The following EFCAB7 variants were observed in gnomAD, a reference collection of about 807,000 sequenced individuals.
EFCAB7 encodes the protein EF-hand calcium binding domain 7, also known as EF-hand calcium-binding domain-containing protein 7.
Under a neutral mutation model 77.1 loss-of-function variants are expected in EFCAB7, and 66 were observed. That is an observed-to-expected ratio of 0.86 (90% CI 0.70 to 1.05). The LOEUF is 1.05. Ranked by LOEUF, EFCAB7 falls within the 50% of genes least tolerant of loss-of-function variation. The probability of loss-of-function intolerance (pLI) is 0.00; values close to 1 mark genes in which losing one functional copy is unlikely to be tolerated. For missense variants in EFCAB7, 638 were observed against 730.5 expected (o/e 0.87, Z 1.46); for synonymous variants, 225 against 243.3 (o/e 0.92, Z 0.70).
chr1:63,544,027 T>C (rs1276256367), intron 6 of EFCAB7, among the ~76,000 whole-genome samples: 2 of 149,980 alleles, frequency 1.3e-5, no homozygotes, highest in Non-Finnish European at 3.0e-5. Context: ...TGGAGTGTAG[T>C]GGCATGATCA....
rs752253421 is a variant in EFCAB7 at position 63,568,305 on chromosome 1, A to G, written c.1498-5A>G. The G allele has an allele frequency of 5.4e-5, 86 of 1,590,454 alleles. No individual in the cohort carries two copies. Among genetic ancestry groups the G allele is most frequent in the Non-Finnish European group, 6.8e-5 (80 of 1,171,490 alleles). ...GGCTGAAACAAGATTTTTTTTTCCT[A>G]TCAGGCATGTCCATTTGTCATTGAT... On this transcript the variant is annotated splice_polypyrimidine_tract_variant and splice_region_variant and intron_variant, in intron 11 of 13. Transcript: ENST00000371088.
At chr1:63,556,596 T>C (rs1036918118) in intron 9 of EFCAB7, among the ~76,000 whole-genome samples, 1 of 150,788 alleles carries the variant, frequency 6.6e-6, no homozygotes, top group Non-Finnish European at 1.5e-5. Context: ...GTTGAGATAC[T>C]GTGGTTGTTC....
the EFCAB7 span, among the ~76,000 whole-genome samples, chr1:63,578,723 G>GA: frequency 2.0e-5 from 3 of 151,888 alleles, no homozygotes; most frequent in Non-Finnish European, 4.4e-5. Flanking sequence ...TTACAGGCGT[G>GA]AGCCACTGCG....
At chr1:63,560,635 C>T (rs1008963316) in intron 10 of EFCAB7, among the ~76,000 whole-genome samples, 2 of 151,664 alleles carry the variant, frequency 1.3e-5, no homozygotes, top group Non-Finnish European at 2.9e-5. Context: ...TCTGCCTCAG[C>T]CTCCCAAGTG....
At chr1:63,525,802 A>G in intron 2 of EFCAB7, 43 bp downstream of exon 2, 2 of 1,365,416 alleles carry the variant, frequency 1.5e-6, no homozygotes, top group Non-Finnish European at 2.0e-6. Flanking sequence ...TTTTGTTGAA[A>G]GTTAATAAAT....
At chr1:63,528,542 A>C (rs900906885) in intron 2 of EFCAB7, among the ~76,000 whole-genome samples, 109 of 152,228 alleles carry the variant, frequency 7.2e-4, no homozygotes, top group African/African-American at 2.6e-3. Flanking sequence ...AAAATCATTT[A>C]AGTGTACATT....
At chr1:63,544,908 T>G (rs1335578472) in intron 6 of EFCAB7, among the ~76,000 whole-genome samples, 1 of 151,834 alleles carries the variant, frequency 6.6e-6, no homozygotes, top group Non-Finnish European at 1.5e-5. Context: ...AATACTTCAT[T>G]TTTCTTTTCT....
chr1:63,527,114 G>GT (rs528391089), intron 2 of EFCAB7, among the ~76,000 whole-genome samples: 34 of 151,716 alleles, frequency 2.2e-4, no homozygotes, highest in South Asian at 4.2e-4. Flanking sequence ...AATAATCCGA[G>GT]TTTTTTTTTG....
Position 63,559,151 on chromosome 1 carries a change from A to G in EFCAB7, c.1348+1904A>G, listed in dbSNP as rs201698174. On this transcript the variant is annotated intron_variant, in intron 10 of 13. Transcript: ENST00000371088. ...ACCCCACTTGTACTAAAAATACAAAAATTATCCAAGTGTGGTGGCAGGTAC... is the reference window on the plus strand; with the variant it reads ...ACCCCACTTGTACTAAAAATACAAAGATTATCCAAGTGTGGTGGCAGGTAC... Among the ~76,000 whole-genome samples the G allele has an allele frequency of 4.5e-4, 69 of 152,008 alleles. No homozygotes were observed. In the East Asian group the frequency reaches 0.013, roughly 29 times the overall value.
At chr1:63,582,237 A>G in the EFCAB7 span, among the ~76,000 whole-genome samples, 1 of 152,218 alleles carries the variant, frequency 6.6e-6, no homozygotes, top group African/African-American at 2.4e-5. Context: ...GACCCATTCA[A>G]AATGCCACTA....
chr1:63,525,665 AGAG>A lies in EFCAB7; in HGVS notation c.96_98del (p.Glu33del). On this transcript the variant is annotated inframe_deletion, in exon 2 of 14. Coordinates refer to ENST00000371088, the MANE Select transcript of EFCAB7 (RefSeq NM_032437.4). ...GAACAAAGAAATTTCCACTAACTGA[AGAG>A]GAAATATTTTATATGAATTGTAGAG... 2 of 1,601,878 alleles carry A rather than the reference AGAG, an allele frequency of 1.2e-6. No individual in the cohort carries two copies. Among genetic ancestry groups the A allele is most frequent in the African/African-American group, 1.4e-5 (1 of 73,888 alleles).
intron 10 of EFCAB7, 78 bp downstream of exon 10, chr1:63,557,325 C>T: frequency 7.8e-7 from 1 of 1,284,490 alleles, no homozygotes; most frequent in Non-Finnish European, 1.1e-6. Context: ...AATGAGAAGT[C>T]AAACTTCTGC....
chr1:63,538,003 G>C (rs1235283451), intron 6 of EFCAB7, among the ~76,000 whole-genome samples: 3 of 152,058 alleles, frequency 2.0e-5, no homozygotes, highest in Non-Finnish European at 4.4e-5. Flanking sequence ...AGAATTTTTT[G>C]CTTTAGTATT....
rs1353543336 is a variant in EFCAB7 at position 63,570,879 on chromosome 1, G to C, written c.1708-142G>C. ...AAAATCAATGAGAAAAAGTAACAAA[G>C]TTGAAAGAAGTAGCCAATTTGTATG... On this transcript the variant is annotated intron_variant, in intron 12 of 13. Coordinates refer to ENST00000371088, the MANE Select transcript of EFCAB7 (RefSeq NM_032437.4). 6.6e-6 allele frequency: 3 copies of C among 456,194 alleles called. No homozygotes were observed. The East Asian group carries it at 1.1e-4, about 16-fold the overall frequency. 28.3% of individuals were successfully genotyped at this position (456,194 alleles called of 1,614,324 possible).
At chr1:63,567,742 G>GA (rs1647186644) in intron 11 of EFCAB7, among the ~76,000 whole-genome samples, 1 of 152,192 alleles carries the variant, frequency 6.6e-6, no homozygotes, top group Admixed American at 6.5e-5. Context: ...GTTGGATGGA[G>GA]AGGCAAAGGC....
chr1:63,562,495 A>ATATATATATATATATAT (rs1159517087), intron 11 of EFCAB7, among the ~76,000 whole-genome samples: 2 of 72,852 alleles, frequency 2.7e-5, no homozygotes, highest in Non-Finnish European at 5.0e-5. Flanking sequence ...ATATATATAT[A>ATATATATATATATATAT]AAACTTTTTT....
chr1:63,578,501 G>T, the EFCAB7 span, among the ~76,000 whole-genome samples: 1 of 151,180 alleles, frequency 6.6e-6, no homozygotes, highest in African/African-American at 2.4e-5. Context: ...GAGTGCAGTG[G>T]CGCAATCTCA....
Position 63,555,445 on chromosome 1 carries a change from C to G in EFCAB7, c.1144C>G (p.Pro382Ala). The G allele has an allele frequency of 6.2e-7, 1 of 1,613,846 alleles. No individual in the cohort carries two copies. Residue 382 changes from proline (P) to alanine (A), a missense_variant, in exon 9 of 14, where the codon CCA becomes GCA. Transcript: ENST00000371088. ...TGCRLRKKIKPVTDEAQLVYR... is the reference protein window; with the variant it reads ...TGCRLRKKIKAVTDEAQLVYR... Reference sequence around the variant, plus strand: ...CTGTAGGCTGAGGAAAAAAATAAAACCAGTAACAGATGAAGCCCAACTTGT... The same window carrying G: ...CTGTAGGCTGAGGAAAAAAATAAAAGCAGTAACAGATGAAGCCCAACTTGT...
intron 11 of EFCAB7, among the ~76,000 whole-genome samples, chr1:63,564,347 G>A (rs1647145173): frequency 6.6e-6 from 1 of 152,140 alleles, no homozygotes; most frequent in Non-Finnish European, 1.5e-5. Flanking sequence ...AGTTCTTTTA[G>A]ATGTGATAAG....
Sources: allele counts gnomAD v4.1 joint callset (sites outside exome capture counted in the v4.1 genomes callset), GRCh38; gene constraint gnomAD v4.1.1; transcripts MANE v1.5; gene names NCBI Gene and HGNC (gene_info 2026-07-23, HGNC 2026-07-21).